The following KCNB2 variants were observed in gnomAD, a reference collection of about 807,000 sequenced individuals.
The protein encoded by KCNB2 is delayed rectifier potassium channel protein.
KCNB2 carries 15 observed loss-of-function variants against 61.5 expected under a neutral mutation model. The observed-to-expected ratio is 0.24, with a 90% CI of 0.16 to 0.38. The LOEUF is 0.38. Ranked by LOEUF, KCNB2 falls within the 10% of genes least tolerant of loss-of-function variation. The probability of loss-of-function intolerance (pLI) is 1.00; values close to 1 mark genes in which losing one functional copy is unlikely to be tolerated. For synonymous variants in KCNB2, 457 were observed against 446.0 expected, an observed-to-expected ratio of 1.02 and a Z score of -0.31; for missense variants, 828 against 1,125.2, an observed-to-expected ratio of 0.74 and a Z score of 3.78.
At chr8:72,599,155 A>T (rs183624447) in intron 2 of KCNB2, among the ~76,000 whole-genome samples, 2,577 of 152,296 alleles carry the variant, frequency 0.017, 61 homozygotes, top group African/African-American at 0.06. Flanking sequence ...ATCCTAAGCC[A>T]AAAGAACAAA....
chr8:72,621,315 G>A (rs1047552461), intron 2 of KCNB2, among the ~76,000 whole-genome samples: 2 of 152,232 alleles, frequency 1.3e-5, no homozygotes, highest in South Asian at 2.1e-4. Context: ...GTCAAGATCC[G>A]CAGAAGGATC....
At chr8:72,805,012 G>T (rs1048885975) in intron 2 of KCNB2, among the ~76,000 whole-genome samples, 1 of 152,130 alleles carries the variant, frequency 6.6e-6, no homozygotes, top group South Asian at 2.1e-4. Context: ...CGACTCTTCC[G>T]CTGGGCACTG....
intron 2 of KCNB2, among the ~76,000 whole-genome samples, chr8:72,621,625 G>T (rs983739132): frequency 6.6e-6 from 1 of 152,204 alleles, no homozygotes; most frequent in Non-Finnish European, 1.5e-5. Context: ...GGCATGCAGT[G>T]TGTGATAATC....
chr8:72,599,002 C>G (rs535400748), intron 2 of KCNB2, among the ~76,000 whole-genome samples: 2 of 152,110 alleles, frequency 1.3e-5, no homozygotes, highest in Non-Finnish European at 2.9e-5. Flanking sequence ...GAATCAATAT[C>G]GTGAAAATGG....
At chr8:72,625,531 G>T (rs777567068) in intron 2 of KCNB2, among the ~76,000 whole-genome samples, 15 of 152,162 alleles carry the variant, frequency 9.9e-5, no homozygotes, top group Non-Finnish European at 1.5e-4. Flanking sequence ...CCTGGGCTCG[G>T]GTGATCCTCC....
At chr8:72,653,456 A>AT (rs148415176) in intron 2 of KCNB2, among the ~76,000 whole-genome samples, 27,752 of 151,406 alleles carry the variant, frequency 0.18, 3,002 homozygotes, top group East Asian at 0.51. Flanking sequence ...TTTTATTTTT[A>AT]TTTTTTTTGT....
chr8:72,838,712 G>A (rs1014073817), intron 2 of KCNB2, among the ~76,000 whole-genome samples: 1 of 152,144 alleles, frequency 6.6e-6, no homozygotes, highest in Non-Finnish European at 1.5e-5. Flanking sequence ...GATCTAAATT[G>A]TAGTATATAC....
Position 72,727,758 on chromosome 8 carries a change from A to T in KCNB2, c.579+159445A>T, listed in dbSNP as rs11995908. ...AGTCACAAGGAGGATTAGACAAGAG[A>T]TCATATATCATGACTGAAAAACACA... On this transcript the variant is annotated intron_variant, in intron 2 of 2. Coordinates refer to ENST00000523207, the MANE Select transcript of KCNB2 (RefSeq NM_004770.3). 3.9e-3 allele frequency among the ~76,000 whole-genome samples: 601 copies of T among 152,326 alleles called. 4 individuals carry two copies. The highest frequency in any genetic ancestry group is 0.014 in the African/African-American group (571 of 41,572).
At chr8:72,786,876 A>G (rs1808853012) in intron 2 of KCNB2, among the ~76,000 whole-genome samples, 1 of 152,172 alleles carries the variant, frequency 6.6e-6, no homozygotes, top group African/African-American at 2.4e-5. Flanking sequence ...TTTTCTTCTC[A>G]TTATGTCTGC....
At chr8:72,923,357 A>T (rs1198252670) in intron 2 of KCNB2, among the ~76,000 whole-genome samples, 1 of 152,172 alleles carries the variant, frequency 6.6e-6, no homozygotes, top group African/African-American at 2.4e-5. Flanking sequence ...TTGTAGGGCC[A>T]TTTCAAAATA....
At chr8:72,690,134 T>C (rs1033058105) in intron 2 of KCNB2, among the ~76,000 whole-genome samples, 3 of 152,158 alleles carry the variant, frequency 2.0e-5, no homozygotes, top group Non-Finnish European at 4.4e-5. Flanking sequence ...CAATCTGCCA[T>C]ATTTTCTGCA....
chr8:72,578,010 A>G (rs1172122818), intron 2 of KCNB2, among the ~76,000 whole-genome samples: 1 of 152,196 alleles, frequency 6.6e-6, no homozygotes, highest in Non-Finnish European at 1.5e-5. Flanking sequence ...TGTATCTTAG[A>G]ATTGCATTTG....
chr8:72,786,912 A>G (rs910836018), intron 2 of KCNB2, among the ~76,000 whole-genome samples: 2 of 152,170 alleles, frequency 1.3e-5, no homozygotes, highest in African/African-American at 4.8e-5. Flanking sequence ...GGGCTCAGGG[A>G]TATCAAATTT....
At chr8:72,577,248 C>T (rs1316657444) in intron 2 of KCNB2, among the ~76,000 whole-genome samples, 1 of 152,062 alleles carries the variant, frequency 6.6e-6, no homozygotes, top group Non-Finnish European at 1.5e-5. Context: ...CAGCAGCCCT[C>T]ACTGAGTAGT....
intron 2 of KCNB2, among the ~76,000 whole-genome samples, chr8:72,706,664 A>C (rs1267544931): frequency 6.6e-6 from 1 of 152,234 alleles, no homozygotes; most frequent in Non-Finnish European, 1.5e-5. Flanking sequence ...GAAAATAAAC[A>C]TGACTGGTCT....
At chr8:72,916,771 G>A (rs1230808776) in intron 2 of KCNB2, among the ~76,000 whole-genome samples, 3 of 152,156 alleles carry the variant, frequency 2.0e-5, no homozygotes, top group Non-Finnish European at 4.4e-5. Context: ...GAGCAGGAAG[G>A]TATTCTTCCC....
At chr8:72,667,062 G>T (rs1347285093) in intron 2 of KCNB2, among the ~76,000 whole-genome samples, 1 of 151,868 alleles carries the variant, frequency 6.6e-6, no homozygotes, top group African/African-American at 2.4e-5. Flanking sequence ...TAGAGAGAAA[G>T]AGAGAAACTG....
intron 2 of KCNB2, among the ~76,000 whole-genome samples, chr8:72,700,197 G>A (rs1369192212): frequency 1.3e-5 from 2 of 152,026 alleles, no homozygotes; most frequent in Non-Finnish European, 2.9e-5. Context: ...TTCTGTTGGG[G>A]TTTGGGGGGC....
At chr8:72,746,168 C>T (rs1314018754) in intron 2 of KCNB2, among the ~76,000 whole-genome samples, 2 of 152,188 alleles carry the variant, frequency 1.3e-5, no homozygotes, top group African/African-American at 4.8e-5. Flanking sequence ...TGTTATTCAT[C>T]CTAGGCATTA....
Sources: gnomAD v4.1 joint callset for allele counts (sites outside exome capture counted in the v4.1 genomes callset) on GRCh38, gnomAD v4.1.1 for gene constraint, MANE v1.5 for transcripts, NCBI Gene and HGNC (gene_info 2026-07-23, HGNC 2026-07-21) for gene names.